The following SLC35F1 variants were observed in gnomAD, a reference collection of about 807,000 sequenced individuals.
The protein encoded by SLC35F1 is chromosome 6 open reading frame 169.
SLC35F1 carries 14 observed loss-of-function variants against 48.7 expected under a neutral mutation model. That is an observed-to-expected ratio of 0.29 (90% confidence interval 0.19 to 0.45). The LOEUF is 0.45. Ranked by LOEUF, SLC35F1 falls within the 20% of genes least tolerant of loss-of-function variation. SLC35F1 has a pLI of 1.00. For synonymous variants in SLC35F1, 190 were observed against 202.2 expected (o/e 0.94, Z 0.51); for missense variants, 404 against 500.0 (o/e 0.81, Z 1.83).
At chr6:118,095,416 A>T (rs1350733103) in intron 1 of SLC35F1, among the ~76,000 whole-genome samples, 2 of 152,166 alleles carry the variant, frequency 1.3e-5, no homozygotes, top group East Asian at 3.9e-4. Flanking sequence ...AGTCCAGATG[A>T]TATTTCCTAC....
chr6:118,027,885 C>T (rs1262939013), intron 1 of SLC35F1, among the ~76,000 whole-genome samples: 1 of 152,018 alleles, frequency 6.6e-6, no homozygotes, highest in Non-Finnish European at 1.5e-5. Context: ...GGTGGTATGG[C>T]AGTAGACAGT....
chr6:118,225,057 G>T (rs555509544), intron 2 of SLC35F1, among the ~76,000 whole-genome samples: 1 of 152,134 alleles, frequency 6.6e-6, no homozygotes, highest in Non-Finnish European at 1.5e-5. Context: ...TATTCCATGC[G>T]CATGGGTTGG....
intron 3 of SLC35F1, among the ~76,000 whole-genome samples, chr6:118,260,495 C>G (rs1447078674): frequency 6.6e-6 from 1 of 151,956 alleles, no homozygotes; most frequent in Non-Finnish European, 1.5e-5. Flanking sequence ...GTGTCTTTAT[C>G]CTAAACTGGG....
chr6:117,918,844 T>C (rs1775860861), intron 1 of SLC35F1, among the ~76,000 whole-genome samples: 1 of 152,066 alleles, frequency 6.6e-6, no homozygotes, highest in African/African-American at 2.4e-5. Context: ...GTCCTGATTG[T>C]ACTGGGGAGT....
chr6:117,976,040 T>C (rs1776701181), intron 1 of SLC35F1, among the ~76,000 whole-genome samples: 1 of 152,222 alleles, frequency 6.6e-6, no homozygotes, highest in Non-Finnish European at 1.5e-5. Flanking sequence ...CTATTGAATG[T>C]CAGGCACTTT....
intron 1 of SLC35F1, among the ~76,000 whole-genome samples, chr6:118,006,570 G>T (rs1479326374): frequency 1.3e-5 from 2 of 152,186 alleles, no homozygotes; most frequent in East Asian, 3.9e-4. Context: ...AGTAAACTGT[G>T]ACCACGCTAC....
At chr6:118,125,386 G>A (rs188594104) in intron 1 of SLC35F1, among the ~76,000 whole-genome samples, 2 of 141,544 alleles carry the variant, frequency 1.4e-5, no homozygotes, top group Middle Eastern at 3.5e-3. Flanking sequence ...TGGGGGGGGG[G>A]ATCAGATACT....
Position 118,275,528 on chromosome 6 carries a change from G to A in SLC35F1, c.707G>A (p.Trp236Ter), listed in dbSNP as rs765675337. 1 of 1,613,950 alleles carries A rather than the reference G, an allele frequency of 6.2e-7. No individual in the cohort carries two copies. The highest frequency in any genetic ancestry group is 1.7e-5 in the Admixed American group (1 of 60,008). The change falls in exon 5 of 8, where the codon TGG becomes TAG. Residue 236 changes from tryptophan (W) to a stop codon, truncating the protein, a stop_gained. Transcript: ENST00000360388. LOFTEE classifies it high-confidence loss of function. Reference protein sequence around the residue: ...GATLYGISNVWEEYIIRTLSR... With the variant: ...GATLYGISNV Reference sequence around the variant, plus strand: ...ACACTCTATGGTATTTCTAACGTCTGGGAAGAATACATCATCCGAACTCTG... The same window carrying A: ...ACACTCTATGGTATTTCTAACGTCTAGGAAGAATACATCATCCGAACTCTG...
Position 118,018,809 on chromosome 6 carries a change from C to T in SLC35F1, c.173+110910C>T, listed in dbSNP as rs535969922. On this transcript the variant is annotated intron_variant, in intron 1 of 7. Transcript: ENST00000360388. ...TGCAGTCCAGATTTATATTATTAGG[C>T]CACACAATGTACATCCTGACATCCT... Among the ~76,000 whole-genome samples the T allele has an allele frequency of 9.2e-5, 14 of 152,222 alleles. No homozygotes were observed. In the South Asian group the frequency reaches 2.9e-3, roughly 32 times the overall value.
chr6:118,118,746 CAGAACTCATTTCAGGAAGGGACAG>C, intron 1 of SLC35F1, among the ~76,000 whole-genome samples: 1 of 152,008 alleles, frequency 6.6e-6, no homozygotes, highest in Non-Finnish European at 1.5e-5. Flanking sequence ...GTAAACAGAG[CAGAACTCATTTCAGGAAGGGACAG>C]GGCTGGGAGC....
chr6:118,070,525 T>C (rs1461152456), intron 1 of SLC35F1, among the ~76,000 whole-genome samples: 1 of 152,098 alleles, frequency 6.6e-6, no homozygotes, highest in Non-Finnish European at 1.5e-5. Context: ...CACACATATG[T>C]ATATAACGTA....
chr6:118,070,142 CAAAAAAAAAA>C, intron 1 of SLC35F1, among the ~76,000 whole-genome samples: 1 of 78,700 alleles, frequency 1.3e-5, no homozygotes, highest in East Asian at 3.6e-4. Context: ...GACTCCGTCT[CAAAAAAAAAA>C]AAAAAAAAAA....
At chr6:117,976,731 A>G (rs1297433416) in intron 1 of SLC35F1, among the ~76,000 whole-genome samples, 3 of 152,162 alleles carry the variant, frequency 2.0e-5, no homozygotes, top group Non-Finnish European at 4.4e-5. Flanking sequence ...CCCTGATTTC[A>G]AAAGTAGTAC....
At chr6:118,165,950 T>C (rs73766442) in intron 2 of SLC35F1, among the ~76,000 whole-genome samples, 5,576 of 152,192 alleles carry the variant, frequency 0.037, 365 homozygotes, top group African/African-American at 0.13. Flanking sequence ...GAACAACACA[T>C]CCCTGTTAAG....
chr6:118,169,456 G>T (rs187846124), intron 2 of SLC35F1, among the ~76,000 whole-genome samples: 67 of 152,216 alleles, frequency 4.4e-4, no homozygotes, highest in African/African-American at 1.5e-3. Flanking sequence ...GATTAATTTG[G>T]TTGAAGAACA....
intron 1 of SLC35F1, chr6:117,998,938 T>C: frequency 1.2e-6 from 1 of 813,986 alleles, no homozygotes; most frequent in Non-Finnish European, 2.2e-6. Context: ...CTCTTCCGGT[T>C]CTAGGCACTT....
chr6:118,309,878 G>A lies in SLC35F1; in HGVS notation c.1003-4150G>A, dbSNP rs912973800. ...TACAGGCTTATTATCCATCCTCCAA[G>A]CCACCTCGTCCTGTATAATAGCTTG... On this transcript the variant is annotated intron_variant, in intron 7 of 7. Coordinates refer to ENST00000360388, the MANE Select transcript of SLC35F1 (RefSeq NM_001029858.4). Among the ~76,000 whole-genome samples the A allele has an allele frequency of 5.9e-5, 9 of 152,274 alleles. No individual in the cohort carries two copies. In the East Asian group the frequency reaches 1.5e-3, roughly 26 times the overall value.
chr6:118,140,781 T>G (rs1196494232), intron 1 of SLC35F1, among the ~76,000 whole-genome samples: 1 of 152,128 alleles, frequency 6.6e-6, no homozygotes, highest in African/African-American at 2.4e-5. Context: ...CTTGATCCTT[T>G]GTAGGCCTAG....
In SLC35F1 at chr6:118,316,928, C is replaced by T. The variant is rs895764346; in HGVS notation, c.*2676C>T. 8.5e-5 allele frequency: 13 copies of T among 152,198 alleles called. 1 individual carries two copies. Among genetic ancestry groups the T allele is most frequent in the African/African-American group, 2.7e-4 (11 of 41,232 alleles). The allele number at this position is 152,198 out of a possible 1,614,324, so 9.4% of individuals were successfully genotyped here. On this transcript the variant is annotated 3_prime_UTR_variant, in exon 8 of 8. Transcript: ENST00000360388. Reference sequence around the variant, plus strand: ...ACTGACCCTCCAGGAAAAAAAAAATCGCAAAGAACAAATTCTTTTTCTGTG... The same window carrying T: ...ACTGACCCTCCAGGAAAAAAAAAATTGCAAAGAACAAATTCTTTTTCTGTG...
Sources: allele counts gnomAD v4.1 joint callset (sites outside exome capture counted in the v4.1 genomes callset), GRCh38; gene constraint gnomAD v4.1.1; transcripts MANE v1.5; gene names NCBI Gene and HGNC (gene_info 2026-07-23, HGNC 2026-07-21).